The following G3BP1 variants were observed in gnomAD, a reference collection of about 807,000 sequenced individuals.
G3BP1 encodes the protein ras GTPase-activating protein-binding protein 1.
G3BP1 carries 35 observed loss-of-function variants against 58.6 expected under a neutral mutation model. That is an observed-to-expected ratio of 0.60 (90% CI 0.46 to 0.79). The LOEUF (loss-of-function observed/expected upper bound fraction) is 0.79, where lower values mean the gene tolerates loss of function less well. Among genes scored for constraint, G3BP1 ranks in the 30% least tolerant of loss-of-function variants. The pLI is 0.00. For missense variants in G3BP1, 523 were observed against 580.8 expected (o/e 0.90, Z 1.02); for synonymous variants, 191 against 195.4 (o/e 0.98, Z 0.19).
intron 2 of G3BP1, 150 bp from the exon 3 acceptor site, chr5:151,790,173 A>G (rs1340432293): frequency 3.7e-5 from 16 of 430,302 alleles, no homozygotes; most frequent in East Asian, 1.8e-4. Flanking sequence ...CGAAGCTGCA[A>G]TGAGCTATGA....
intron 1 of G3BP1, among the ~76,000 whole-genome samples, chr5:151,776,601 A>T (rs776556166): frequency 2.0e-5 from 3 of 152,072 alleles, no homozygotes; most frequent in Non-Finnish European, 4.4e-5. Flanking sequence ...CTTCTACAGT[A>T]TAAATTTTCT....
intron 1 of G3BP1, among the ~76,000 whole-genome samples, chr5:151,776,614 G>A (rs1762375448): frequency 6.6e-6 from 1 of 151,880 alleles, no homozygotes; most frequent in South Asian, 2.1e-4. Context: ...AATTTTCTGT[G>A]AGGAAGATTT....
chr5:151,792,948 T>C (rs1762684554), intron 4 of G3BP1, among the ~76,000 whole-genome samples: 1 of 152,062 alleles, frequency 6.6e-6, no homozygotes, highest in African/African-American at 2.4e-5. Flanking sequence ...GTAACAGCCT[T>C]AGAAACTGAA....
chr5:151,800,501 T>C (rs1370285602), intron 10 of G3BP1, among the ~76,000 whole-genome samples, 155 bp downstream of exon 10: 1 of 152,196 alleles, frequency 6.6e-6, no homozygotes, highest in East Asian at 1.9e-4. Context: ...TTTAATAACA[T>C]TTAACTTAAG....
chr5:151,800,458 T>TAAAAAAAAA, intron 10 of G3BP1, 112 bp downstream of exon 10: 1 of 569,704 alleles, frequency 1.8e-6, no homozygotes, highest in Non-Finnish European at 2.8e-6. Flanking sequence ...TAGTCATGGT[T>TAAAAAAAAA]AAAAAAAAAA....
rs1274632566 is a variant in G3BP1 at position 151,812,245 on chromosome 5, A to C, written c.*8154A>C. 6.6e-6 allele frequency: 1 copy of C among 152,194 alleles called. No homozygotes were observed. Among genetic ancestry groups the C allele is most frequent in the Non-Finnish European group, 1.5e-5 (1 of 68,022 alleles). The allele number at this position is 152,194 out of a possible 1,614,324, so 9.4% of individuals were successfully genotyped here. A position where few individuals can be genotyped will look rare whatever the true frequency, so the allele number is the denominator to read the frequency against. On this transcript the variant is annotated 3_prime_UTR_variant, in exon 12 of 12. Transcript: ENST00000356245. ...TGAAGAATTACACAGTGCCCTTCTT[A>C]GATTCTTTGGGGTTAAGGTAACTTC...
rs1252860072 is a variant in G3BP1, at chr5:151,799,286, T to C, written c.816T>C (p.Pro272=). ...SGAVPVTGIP[P]HVVKVPASQP... ...CTGTTCCAGTTACTGGGATACCACCTCATGTTGTTAAAGTACCAGCTTCAC... is the reference window on the plus strand; with the variant it reads ...CTGTTCCAGTTACTGGGATACCACCCCATGTTGTTAAAGTACCAGCTTCAC... The change falls in exon 8 of 12, where the codon CCT becomes CCC. Residue 272 remains proline (P), a synonymous_variant. Coordinates refer to ENST00000356245, the MANE Select transcript of G3BP1 (RefSeq NM_005754.3). 1.3e-5 allele frequency: 21 copies of C among 1,589,316 alleles called. No homozygotes were observed. The highest frequency in any genetic ancestry group is 1.8e-5 in the Non-Finnish European group (21 of 1,157,350).
intron 1 of G3BP1, among the ~76,000 whole-genome samples, chr5:151,773,441 A>C (rs1421938660): frequency 6.6e-6 from 1 of 151,966 alleles, no homozygotes; most frequent in Non-Finnish European, 1.5e-5. Flanking sequence ...GTTTGTGTAC[A>C]CTCCGTTTAT....
chr5:151,797,584 A>G (rs900173460), intron 7 of G3BP1, among the ~76,000 whole-genome samples, 156 bp downstream of exon 7: 1 of 152,136 alleles, frequency 6.6e-6, no homozygotes, highest in African/African-American at 2.4e-5. Context: ...CATATGTTTG[A>G]TAAGAGAGAG....
In G3BP1 at chr5:151,809,685, C is replaced by A. The variant is rs987158988; in HGVS notation, c.*5594C>A. On this transcript the variant is annotated 3_prime_UTR_variant, in exon 12 of 12. Coordinates refer to ENST00000356245, the MANE Select transcript of G3BP1 (RefSeq NM_005754.3). ...ATCAGAGAGAATTGGTTAGTAGAGT[C>A]CCAAATCTGCTTTTAGAAGTAATAT... 2.6e-5 allele frequency: 4 copies of A among 152,106 alleles called. No homozygotes were observed. The highest frequency in any genetic ancestry group is 4.4e-5 in the Non-Finnish European group (3 of 68,008). The allele number at this position is 152,106 out of a possible 1,614,324, so 9.4% of individuals were successfully genotyped here.
intron 4 of G3BP1, among the ~76,000 whole-genome samples, chr5:151,793,586 C>G (rs1421380653): frequency 6.6e-6 from 1 of 152,140 alleles, no homozygotes; most frequent in Non-Finnish European, 1.5e-5. Context: ...AGTCTTGGCA[C>G]TGTTGACATT....
intron 1 of G3BP1, among the ~76,000 whole-genome samples, chr5:151,779,512 T>C (rs1424221450): frequency 1.3e-5 from 2 of 152,234 alleles, no homozygotes; most frequent in East Asian, 3.8e-4. Context: ...CATGGATCCA[T>C]TTGTCTCTTT....
intron 1 of G3BP1, among the ~76,000 whole-genome samples, chr5:151,777,031 G>C (rs1383247114): frequency 6.6e-6 from 1 of 151,848 alleles, no homozygotes; most frequent in East Asian, 1.9e-4. Context: ...CTCAGGTCCA[G>C]AATCAACCAT....
chr5:151,790,332 A>G lies in G3BP1; in HGVS notation c.105A>G (p.Gly35=). The change falls in exon 3 of 12, where the codon GGA becomes GGG. Residue 35 remains glycine, a synonymous_variant. Transcript: ENST00000356245. ...TCTTCCCATTTTACAGATTTTATGG[A>G]AAGAACTCTTCTTATGTCCATGGGG... ...QAPDMLHRFY[G]KNSSYVHGGL... The G allele has an allele frequency of 6.5e-7, 1 of 1,544,394 alleles. No individual in the cohort carries two copies. Among genetic ancestry groups the G allele is most frequent in the South Asian group, 1.2e-5 (1 of 82,584 alleles).
chr5:151,790,990 G>C lies in G3BP1; in HGVS notation c.279G>C (p.Gln93His), dbSNP rs908842357. The change falls in exon 4 of 12, where the codon CAG becomes CAC. Residue 93 changes from glutamine to histidine, a missense_variant. Gln to His is a conservative substitution (Grantham distance 24). This residue lies in a region of G3BP1 where 398 missense variants were observed against 399.1 expected (regional missense o/e 1.00). Coordinates refer to ENST00000356245, the MANE Select transcript of G3BP1 (RefSeq NM_005754.3). ...HATLNDGVVV[Q>H]VMGLLSNNNQ... is the part of the protein sequence containing the mutation. The stretch of plus-strand genomic sequence containing the variant: ...CGCTAAATGATGGTGTGGTAGTCCA[G>C]GTGATGGGGCTTCTCTCTAACAACA... 1 of 1,613,550 alleles carries C rather than the reference G, an allele frequency of 6.2e-7. No individual in the cohort carries two copies. The highest frequency in any genetic ancestry group is 8.5e-7 in the Non-Finnish European group (1 of 1,179,708).
rs1762262023 is a variant in G3BP1, at chr5:151,771,963, CA to C, written c.-122del. 1 of 152,396 alleles carries C rather than the reference CA, an allele frequency of 6.6e-6. No individual in the cohort carries two copies. The highest frequency in any genetic ancestry group is 1.5e-5 in the Non-Finnish European group (1 of 68,194). 9.4% of individuals were successfully genotyped at this position (152,396 alleles called of 1,614,324 possible). A position where few individuals can be genotyped will look rare whatever the true frequency, so the allele number is the denominator to read the frequency against. On this transcript the variant is annotated 5_prime_UTR_variant, in exon 1 of 12. Coordinates refer to ENST00000356245, the MANE Select transcript of G3BP1 (RefSeq NM_005754.3). ...GGCGGAGCACGCGTGTGTGCGGACG[CA>C]GTTGCGTGAGGGGTTTGTACTATCC...
intron 1 of G3BP1, among the ~76,000 whole-genome samples, chr5:151,773,046 T>A (rs143406864): frequency 5.0e-4 from 76 of 152,350 alleles, no homozygotes; most frequent in African/African-American, 1.7e-3. Context: ...GGGAAAACGA[T>A]GAGTAAGTGC....
At position 151,809,603 on chromosome 5, in the gene G3BP1, T is replaced by A. The variant is rs1762986691; in HGVS notation, c.*5512T>A. The A allele has an allele frequency of 2.0e-5, 3 of 152,230 alleles. No homozygotes were observed. The highest frequency in any genetic ancestry group is 2.0e-4 in the Admixed American group (3 of 15,286). 9.4% of individuals were successfully genotyped at this position (152,230 alleles called of 1,614,324 possible). ...TCTCAGAATTCTTTGAATCATAGAA[T>A]GTTAGTGCTGGAAAGGACTAGGAAG... On this transcript the variant is annotated 3_prime_UTR_variant, in exon 12 of 12. Transcript: ENST00000356245.
chr5:151,809,814 TG>T lies in G3BP1; in HGVS notation c.*5724del, dbSNP rs1287657983. 6.6e-6 allele frequency: 1 copy of T among 152,224 alleles called. No individual in the cohort carries two copies. Among genetic ancestry groups the T allele is most frequent in the East Asian group, 1.9e-4 (1 of 5,202 alleles). The allele number at this position is 152,224 out of a possible 1,614,324, so 9.4% of individuals were successfully genotyped here. On this transcript the variant is annotated 3_prime_UTR_variant, in exon 12 of 12. Coordinates refer to ENST00000356245, the MANE Select transcript of G3BP1 (RefSeq NM_005754.3). Reference sequence around the variant, plus strand: ...TTTTGTATGTTCACCCAGTTGCTTCTGTAGTTTTCATACCCCTGTTTTCTCA... The same window carrying T: ...TTTTGTATGTTCACCCAGTTGCTTCTTAGTTTTCATACCCCTGTTTTCTCA...
Sources: gnomAD v4.1 joint callset for allele counts (sites outside exome capture counted in the v4.1 genomes callset) on GRCh38, gnomAD v4.1.1 for gene constraint, gnomAD v4.1.1 regional missense constraint, MANE v1.5 for transcripts, NCBI Gene and HGNC (gene_info 2026-07-23, HGNC 2026-07-21) for gene names.